The following TCF4 variants were observed in gnomAD, a reference collection of about 807,000 sequenced individuals.
The protein encoded by TCF4 is SL3-3 enhancer factor 2.
A neutral mutation model predicts 82.1 loss-of-function variants in TCF4; 3 were observed. The observed-to-expected ratio is 0.04, with a 90% confidence interval of 0.02 to 0.09. The LOEUF (loss-of-function observed/expected upper bound fraction) is 0.09. Ranked by LOEUF, TCF4 falls within the 10% of genes least tolerant of loss-of-function variation. The pLI is 1.00. For synonymous variants in TCF4, 276 were observed against 309.6 expected (o/e 0.89, Z 1.14); for missense variants, 518 against 852.7 (o/e 0.61, Z 4.89).
chr18:55,595,661 T>C (rs2147934449), intron 2 of TCF4, among the ~76,000 whole-genome samples: 1 of 152,310 alleles, frequency 6.6e-6, no homozygotes, highest in African/African-American at 2.4e-5. Flanking sequence ...ATTTCAACAA[T>C]CTTTCATTCT....
intron 8 of TCF4, among the ~76,000 whole-genome samples, chr18:55,302,057 T>C (rs1032710438): frequency 4.6e-5 from 7 of 152,216 alleles, no homozygotes. Flanking sequence ...GGAAAATTAA[T>C]AAGGCCTATT....
At position 55,466,823 on chromosome 18, in the gene TCF4, A is replaced by C. The variant is rs181437706; in HGVS notation, c.146-2686T>G. Among the ~76,000 whole-genome samples, 161 of 152,338 alleles carry C rather than the reference A, an allele frequency of 1.1e-3. No homozygotes were observed. The Middle Eastern group carries it at 0.02, about 19-fold the overall frequency. On this transcript the variant is annotated intron_variant, in intron 3 of 19. Coordinates refer to ENST00000354452, the MANE Select transcript of TCF4 (RefSeq NM_001083962.2). ...GTATTCCCAACTGGGCAATTTCAAAAGCGAGCAATCCACTAATTAAAAATG... is the reference window on the plus strand; with the variant it reads ...GTATTCCCAACTGGGCAATTTCAAACGCGAGCAATCCACTAATTAAAAATG...
intron 15 of TCF4, among the ~76,000 whole-genome samples, chr18:55,246,173 A>G (rs1407331567): frequency 3.3e-5 from 5 of 152,138 alleles, no homozygotes; most frequent in African/African-American, 1.2e-4. Flanking sequence ...ACAATTTAAG[A>G]AGAAAACCAT....
chr18:55,520,230 G>C (rs529041901), intron 3 of TCF4, among the ~76,000 whole-genome samples: 2 of 152,210 alleles, frequency 1.3e-5, no homozygotes, highest in East Asian at 3.9e-4. Flanking sequence ...ACCTTTAGAA[G>C]ACCAAATCAA....
At chr18:55,537,039 C>T (rs1264346528) in intron 3 of TCF4, among the ~76,000 whole-genome samples, 1 of 149,242 alleles carries the variant, frequency 6.7e-6, no homozygotes, top group African/African-American at 2.5e-5. Flanking sequence ...GAGGCTGAGG[C>T]AGGAGAATGG....
At chr18:55,416,065 T>A (rs185606661) in intron 5 of TCF4, among the ~76,000 whole-genome samples, 1 of 152,162 alleles carries the variant, frequency 6.6e-6, no homozygotes, top group Non-Finnish European at 1.5e-5. Flanking sequence ...TGTCTCTATA[T>A]CACAATATTT....
chr18:55,362,369 G>GGAAGGAAA, intron 6 of TCF4, among the ~76,000 whole-genome samples: 1 of 91,766 alleles, frequency 1.1e-5, no homozygotes, highest in African/African-American at 4.7e-5. Flanking sequence ...AAGGAAGGAA[G>GGAAGGAAA]GAAGGAAGGA....
At chr18:55,447,626 T>C (rs1004951343) in intron 5 of TCF4, among the ~76,000 whole-genome samples, 8 of 152,234 alleles carry the variant, frequency 5.3e-5, no homozygotes, top group African/African-American at 1.9e-4. Context: ...GGAATTTATA[T>C]AAATGGCTTT....
intron 8 of TCF4, among the ~76,000 whole-genome samples, chr18:55,339,799 T>C (rs561452559): frequency 1.1e-3 from 175 of 152,298 alleles, no homozygotes; most frequent in African/African-American, 4.1e-3. Context: ...CAAAAATACC[T>C]TTTCTTTTGT....
intron 5 of TCF4, among the ~76,000 whole-genome samples, chr18:55,425,297 T>TCATC (rs2094931141): frequency 6.6e-6 from 1 of 151,918 alleles, no homozygotes; most frequent in Non-Finnish European, 1.5e-5. Flanking sequence ...ATGGGCCCTA[T>TCATC]CATCAATTCA....
intron 3 of TCF4, 138 bp downstream of exon 3, chr18:55,585,142 G>T: frequency 1.3e-6 from 1 of 769,102 alleles, no homozygotes; most frequent in Non-Finnish European, 2.3e-6. Context: ...ACCACTGATG[G>T]GTAATGCAAT....
chr18:55,352,509 T>C (rs184177627), intron 6 of TCF4, among the ~76,000 whole-genome samples: 1 of 152,142 alleles, frequency 6.6e-6, no homozygotes, highest in East Asian at 1.9e-4. Flanking sequence ...AAATACAACT[T>C]CAAGGATGAG....
intron 3 of TCF4, among the ~76,000 whole-genome samples, chr18:55,474,213 T>C (rs1022776568): frequency 4.6e-5 from 7 of 152,174 alleles, no homozygotes; most frequent in African/African-American, 1.7e-4. Context: ...CACGGGAAAA[T>C]CTATTTTACT....
intron 6 of TCF4, among the ~76,000 whole-genome samples, chr18:55,368,417 A>G (rs994969277): frequency 1.3e-5 from 2 of 152,168 alleles, no homozygotes; most frequent in Non-Finnish European, 2.9e-5. Context: ...ACAAAAAGTC[A>G]TGAGAGTTAT....
chr18:55,329,154 C>T (rs2077085078), intron 8 of TCF4, among the ~76,000 whole-genome samples: 1 of 152,230 alleles, frequency 6.6e-6, no homozygotes. Flanking sequence ...CACTGAAGTG[C>T]CTTTTCAAGT....
At chr18:55,520,327 A>G (rs2096922583) in intron 3 of TCF4, among the ~76,000 whole-genome samples, 1 of 152,166 alleles carries the variant, frequency 6.6e-6, no homozygotes, top group Non-Finnish European at 1.5e-5. Flanking sequence ...ATAAAAAGCA[A>G]TATGTTTCAC....
intron 3 of TCF4, among the ~76,000 whole-genome samples, chr18:55,530,775 G>C (rs982934577): frequency 4.6e-5 from 7 of 152,126 alleles, no homozygotes; most frequent in Admixed American, 6.6e-5. Context: ...ATTTCTGACA[G>C]AAGTGTGAAG....
chr18:55,239,158 A>G (rs1296419899), intron 15 of TCF4, among the ~76,000 whole-genome samples: 2 of 152,262 alleles, frequency 1.3e-5, no homozygotes, highest in Non-Finnish European at 2.9e-5. Context: ...TAGATATGCA[A>G]TAATTATTTT....
At chr18:55,621,747 A>C (rs1309420413) in intron 2 of TCF4, among the ~76,000 whole-genome samples, 3 of 90,514 alleles carry the variant, frequency 3.3e-5, no homozygotes, top group African/African-American at 1.4e-4. Context: ...AATTGTATTT[A>C]TAATTATAAT....
Sources: gnomAD v4.1 joint callset for allele counts (sites outside exome capture counted in the v4.1 genomes callset) on GRCh38, gnomAD v4.1.1 for gene constraint, MANE v1.5 for transcripts, NCBI Gene and HGNC (gene_info 2026-07-23, HGNC 2026-07-21) for gene names.